The following CTNNA2 variants were observed in gnomAD, a reference collection of about 807,000 sequenced individuals.
The protein encoded by CTNNA2 is catenin alpha 2.
In CTNNA2, 42 loss-of-function variants were observed where a neutral mutation model predicts 101.0. The ratio of observed to expected loss-of-function variants is 0.42; its 90% CI spans 0.32 to 0.54. The LOEUF is 0.54. Among genes scored for constraint, CTNNA2 ranks in the 20% least tolerant of loss-of-function variants. The pLI is 0.14. For synonymous variants in CTNNA2, 450 were observed against 456.4 expected (o/e 0.99, Z 0.18); for missense variants, 871 against 1,223.1 (o/e 0.71, Z 4.29).
At position 79,439,635 on chromosome 2, in the gene CTNNA2, G is replaced by T. The variant is rs1043252622; in HGVS notation, c.-134-65419G>T. Among the ~76,000 whole-genome samples, 5 of 152,142 alleles carry T rather than the reference G, an allele frequency of 3.3e-5. No homozygotes were observed. In the East Asian group the frequency reaches 9.6e-4, roughly 29 times the overall value. On this transcript the variant is annotated intron_variant, in intron 4 of 21. Transcript: ENST00000466387. The stretch of plus-strand genomic sequence containing the variant: ...AATTTGGGATCTTGCTAAAAATGCA[G>T]ATTCAGATTCAGTAAGTCTGGGGTG...
chr2:80,226,472 T>C (rs1191989707), intron 7 of CTNNA2, among the ~76,000 whole-genome samples: 2 of 152,162 alleles, frequency 1.3e-5, no homozygotes, highest in Non-Finnish European at 2.9e-5. Context: ...TGACTTAGAG[T>C]GTCACTGACA....
intron 3 of CTNNA2, among the ~76,000 whole-genome samples, chr2:79,796,012 G>T (rs1222552829): frequency 2.0e-5 from 3 of 152,188 alleles, no homozygotes; most frequent in African/African-American, 7.2e-5. Flanking sequence ...TTAGTCATAA[G>T]AATGGATATT....
At chr2:79,889,316 C>G (rs997080552) in intron 6 of CTNNA2, among the ~76,000 whole-genome samples, 1 of 152,170 alleles carries the variant, frequency 6.6e-6, no homozygotes, top group Non-Finnish European at 1.5e-5. Flanking sequence ...CCTATTGAGT[C>G]CCATTCTTTA....
At chr2:79,356,809 A>C (rs767003677) in intron 3 of CTNNA2, among the ~76,000 whole-genome samples, 1 of 152,198 alleles carries the variant, frequency 6.6e-6, no homozygotes, top group Non-Finnish European at 1.5e-5. Context: ...ATAATAAAAA[A>C]CTACCATGTA....
At chr2:79,467,418 G>A (rs1355249005) in intron 4 of CTNNA2, among the ~76,000 whole-genome samples, 2 of 152,232 alleles carry the variant, frequency 1.3e-5, no homozygotes, top group African/African-American at 4.8e-5. Flanking sequence ...ACCTGAAAGT[G>A]ACGGGGAGAA....
intron 2 of CTNNA2, among the ~76,000 whole-genome samples, chr2:79,710,637 G>T (rs1053624379): frequency 6.6e-6 from 1 of 152,144 alleles, no homozygotes; most frequent in Non-Finnish European, 1.5e-5. Context: ...AGAGGTGTTT[G>T]CAGGGCCTGT....
chr2:79,206,669 T>A (rs568529199), intron 2 of CTNNA2, among the ~76,000 whole-genome samples: 17 of 152,330 alleles, frequency 1.1e-4, no homozygotes, highest in Admixed American at 5.9e-4. Flanking sequence ...CTAGCTGCAA[T>A]AATTAAATTC....
chr2:79,851,945 C>G (rs1311326424), intron 3 of CTNNA2, among the ~76,000 whole-genome samples: 1 of 151,802 alleles, frequency 6.6e-6, no homozygotes, highest in African/African-American at 2.4e-5. Context: ...ACCCTGTTGG[C>G]CAGACTGGTG....
chr2:80,265,014 A>G (rs1157534529), intron 7 of CTNNA2, among the ~76,000 whole-genome samples: 1 of 147,668 alleles, frequency 6.8e-6, no homozygotes, highest in East Asian at 2.0e-4. Context: ...TTGCTCTGTC[A>G]CCCACACTGG....
At chr2:79,488,709 A>T (rs753381391) in intron 4 of CTNNA2, among the ~76,000 whole-genome samples, 22 of 152,128 alleles carry the variant, frequency 1.4e-4, no homozygotes, top group Non-Finnish European at 2.1e-4. Flanking sequence ...CTCAATGAAC[A>T]ATTTCTTGAA....
chr2:80,599,592 G>A (rs917197350), intron 15 of CTNNA2, among the ~76,000 whole-genome samples: 1 of 152,166 alleles, frequency 6.6e-6, no homozygotes, highest in Admixed American at 6.5e-5. Context: ...ATGATGTGGG[G>A]AAACTGGGTC....
At chr2:80,445,468 A>C (rs947063798) in intron 9 of CTNNA2, among the ~76,000 whole-genome samples, 1 of 152,136 alleles carries the variant, frequency 6.6e-6, no homozygotes, top group Non-Finnish European at 1.5e-5. Flanking sequence ...GGTGTGTGCC[A>C]CTGTGCTCGG....
At chr2:79,627,206 G>C (rs1040819703) in intron 1 of CTNNA2, among the ~76,000 whole-genome samples, 2 of 152,228 alleles carry the variant, frequency 1.3e-5, no homozygotes, top group Admixed American at 6.5e-5. Context: ...CCATCAAATA[G>C]AGAATGTGTT....
chr2:80,520,946 A>G (rs1689491601), intron 9 of CTNNA2, among the ~76,000 whole-genome samples: 1 of 152,128 alleles, frequency 6.6e-6, no homozygotes, highest in South Asian at 2.1e-4. Flanking sequence ...GGCTGTTTGG[A>G]GAGTGGATAA....
chr2:80,010,761 A>G (rs1446282673), intron 7 of CTNNA2, among the ~76,000 whole-genome samples: 2 of 152,056 alleles, frequency 1.3e-5, no homozygotes. Context: ...AAGCAGTTTT[A>G]GAATGAAAAT....
At chr2:79,665,737 G>C (rs1329016669) in intron 2 of CTNNA2, among the ~76,000 whole-genome samples, 1 of 152,078 alleles carries the variant, frequency 6.6e-6, no homozygotes, top group African/African-American at 2.4e-5. Context: ...TGATTATCTT[G>C]AATAATGTTG....
intron 4 of CTNNA2, among the ~76,000 whole-genome samples, chr2:79,454,797 G>T (rs1670796049): frequency 1.3e-5 from 2 of 152,116 alleles, no homozygotes; most frequent in Non-Finnish European, 2.9e-5. Flanking sequence ...TGTCTTGAAG[G>T]CAGACTTAAA....
At chr2:79,437,868 A>T (rs1444573866) in intron 4 of CTNNA2, among the ~76,000 whole-genome samples, 1 of 152,188 alleles carries the variant, frequency 6.6e-6, no homozygotes, top group Non-Finnish European at 1.5e-5. Flanking sequence ...CAAGCTCCAT[A>T]AAATGAGGGG....
chr2:79,935,352 CTT>C (rs56252618), intron 7 of CTNNA2, among the ~76,000 whole-genome samples: 2 of 144,666 alleles, frequency 1.4e-5, no homozygotes, highest in African/African-American at 2.5e-5. Context: ...CTCTCTCTCT[CTT>C]TTTTTTTTTT....
Sources: allele counts gnomAD v4.1 joint callset (sites outside exome capture counted in the v4.1 genomes callset), GRCh38; gene constraint gnomAD v4.1.1; transcripts MANE v1.5; gene names NCBI Gene and HGNC (gene_info 2026-07-23, HGNC 2026-07-21).